Variants in PDE4C observed in about 807,000 individuals in gnomAD.
The protein encoded by PDE4C is 3',5'-cyclic-AMP phosphodiesterase 4C.
In PDE4C, 50 loss-of-function variants were observed where a neutral mutation model predicts 63.9. The observed-to-expected ratio is 0.78, with a 90% confidence interval of 0.62 to 0.99. The LOEUF (loss-of-function observed/expected upper bound fraction) is 0.99. Among genes scored for constraint, PDE4C ranks in the 50% least tolerant of loss-of-function variants. The pLI is 0.00. For missense variants in PDE4C, 777 were observed against 899.1 expected, an observed-to-expected ratio of 0.86 and a Z score of 1.74; for synonymous variants, 377 against 385.1, an observed-to-expected ratio of 0.98 and a Z score of 0.25.
intron 1 of PDE4C, 65 bp downstream of exon 1, chr19:18,226,205 C>G (rs905066256): frequency 1.1e-5 from 15 of 1,364,236 alleles, no homozygotes; most frequent in Non-Finnish European, 1.5e-5. Flanking sequence ...TGTCCCTGTC[C>G]CTGCCCTTCC....
exon 15 of PDE4C, chr19:18,210,936 C>T (rs771418461): frequency 1.0e-5 from 16 of 1,606,330 alleles, no homozygotes; most frequent in Non-Finnish European, 1.3e-5. Flanking sequence ...GCCCTAAGTC[C>T]TCTGGTTGTC....
At chr19:18,245,252 C>T (rs569973862) in intron 1 of PDE4C, among the ~76,000 whole-genome samples, 2 of 152,166 alleles carry the variant, frequency 1.3e-5, no homozygotes, top group African/African-American at 2.4e-5. Context: ...CAACCTCCAC[C>T]TCCTGGGTTC....
At chr19:18,242,688 C>T (rs1163373934) in intron 1 of PDE4C, among the ~76,000 whole-genome samples, 2 of 146,570 alleles carry the variant, frequency 1.4e-5, no homozygotes, top group Non-Finnish European at 3.0e-5. Context: ...GGGAGGCTGA[C>T]GTAAGGGAAT....
At position 18,211,286 on chromosome 19, in the gene PDE4C, G is replaced by A. The variant is rs1250311913; in HGVS notation, c.1696-10C>T. 1.9e-6 allele frequency: 3 copies of A among 1,553,320 alleles called. 1 individual carries two copies. The highest frequency in any genetic ancestry group is 3.5e-4 in the Middle Eastern group (2 of 5,756). ...AGTCAATGAAACCCACCTGTGGCGG[G>A]GGGTGGGGCATGTCGGCATTTGGTG... is the stretch of plus-strand genomic sequence containing the variant. On this transcript the variant is annotated splice_polypyrimidine_tract_variant and intron_variant, in intron 14 of 14. Transcript: ENST00000262805.
At chr19:18,247,258 G>T (rs185525796) in intron 1 of PDE4C, among the ~76,000 whole-genome samples, 8 of 152,220 alleles carry the variant, frequency 5.3e-5, no homozygotes, top group Admixed American at 3.3e-4. Flanking sequence ...GCCTCAGTGG[G>T]CCCCTGTGAG....
chr19:18,224,242 T>A (rs1600087763), intron 1 of PDE4C: 1 of 984,478 alleles, frequency 1.0e-6, no homozygotes, highest in East Asian at 1.1e-4. Flanking sequence ...GACCTGGGGG[T>A]GGGTTTTCAA....
chr19:18,244,960 C>G (rs775220219), intron 1 of PDE4C, among the ~76,000 whole-genome samples: 2 of 151,996 alleles, frequency 1.3e-5, no homozygotes, highest in Non-Finnish European at 2.9e-5. Flanking sequence ...CTCAGCATGC[C>G]GAGTAGCTGG....
intron 14 of PDE4C, 95 bp from the exon 15 acceptor site, chr19:18,211,371 T>C (rs1967932782): frequency 9.9e-7 from 1 of 1,006,776 alleles, no homozygotes; most frequent in East Asian, 2.6e-5. Context: ...TTGTTCCCTC[T>C]GCCTGGAATG....
At chr19:18,209,465 G>A (rs1967832146), downstream of PDE4C, 1 of 151,952 alleles carries the variant, frequency 6.6e-6, no homozygotes, top group Admixed American at 6.6e-5. Context: ...TGGCCAGGCT[G>A]GTCTTGAACT....
chr19:18,229,886 C>G (rs1342560797), upstream of PDE4C, among the ~76,000 whole-genome samples: 4 of 152,232 alleles, frequency 2.6e-5, no homozygotes, highest in East Asian at 7.7e-4. Context: ...CCCATCCCCA[C>G]CTCACTTCTC....
upstream of PDE4C, among the ~76,000 whole-genome samples, chr19:18,249,595 A>G (rs1314246150): frequency 2.4e-5 from 3 of 126,956 alleles, no homozygotes; most frequent in South Asian, 2.4e-4. Context: ...TTTTTTTGAG[A>G]TGGAGTCTTG....
At chr19:18,227,872 A>G (rs959660447), upstream of PDE4C, among the ~76,000 whole-genome samples, 2 of 152,302 alleles carry the variant, frequency 1.3e-5, no homozygotes, top group Admixed American at 6.5e-5. Flanking sequence ...ATCCTGAGGC[A>G]ACCATGCTAA....
At chr19:18,226,161 G>A (rs913554606) in intron 1 of PDE4C, 109 bp downstream of exon 1, 8 of 854,046 alleles carry the variant, frequency 9.4e-6, no homozygotes, top group Middle Eastern at 3.3e-4. Flanking sequence ...GTCCAAGCCC[G>A]GACTCCGGCC....
Position 18,219,408 on chromosome 19 carries a change from G to A in PDE4C, c.707-11C>T, listed in dbSNP as rs746059798. 6 of 1,582,836 alleles carry A rather than the reference G, an allele frequency of 3.8e-6. No individual in the cohort carries two copies. Among genetic ancestry groups the A allele is most frequent in the Non-Finnish European group, 5.2e-6 (6 of 1,164,348 alleles). ...CCTCGGTCTGCTGGTCTGCGGATGG[G>A]CCAGGGTGAAGCTCAGAGAAGCCGA... is the stretch of plus-strand genomic sequence containing the variant. On this transcript the variant is annotated splice_polypyrimidine_tract_variant and intron_variant, in intron 7 of 14. Coordinates refer to ENST00000262805, the Ensembl canonical transcript of PDE4C.
chr19:18,232,040 G>A (rs1968858937), intron 1 of PDE4C, among the ~76,000 whole-genome samples: 1 of 152,084 alleles, frequency 6.6e-6, no homozygotes, highest in South Asian at 2.1e-4. Context: ...CAACACTGGA[G>A]GCAGCCTGCC....
intron 13 of PDE4C, 112 bp downstream of exon 13, chr19:18,213,256 C>G (rs1968041092): frequency 1.3e-5 from 13 of 982,160 alleles, no homozygotes; most frequent in Non-Finnish European, 1.8e-5. Context: ...TGCACTCCAG[C>G]CTGGGCGACA....
chr19:18,221,402 C>G (rs1968479639), intron 2 of PDE4C, 105 bp from the exon 3 acceptor site: 1 of 1,205,260 alleles, frequency 8.3e-7, no homozygotes, highest in Admixed American at 3.0e-5. Flanking sequence ...GACTTCTCCT[C>G]CAGGCTCCTT....
intron 1 of PDE4C, among the ~76,000 whole-genome samples, chr19:18,225,305 C>T (rs1968680288): frequency 6.6e-6 from 1 of 152,096 alleles, no homozygotes; most frequent in Non-Finnish European, 1.5e-5. Flanking sequence ...ACCCGCGACG[C>T]GCCCTCGACG....
At chr19:18,211,350 C>A (rs1967931988) in intron 14 of PDE4C, 74 bp from the exon 15 acceptor site, 2 of 1,307,398 alleles carry the variant, frequency 1.5e-6, no homozygotes, top group Admixed American at 2.7e-5. Flanking sequence ...GCCTCCAGAT[C>A]TTTAGCCAAG....
Sources: allele counts gnomAD v4.1 joint callset (sites outside exome capture counted in the v4.1 genomes callset), GRCh38; gene constraint gnomAD v4.1.1; transcripts MANE v1.5; gene names NCBI Gene and HGNC (gene_info 2026-07-23, HGNC 2026-07-21).